Variants in PARP12 observed in about 807,000 individuals in gnomAD.
PARP12 encodes the protein poly(ADP-ribose) polymerase family member 12, also known as protein mono-ADP-ribosyltransferase PARP12.
Under a neutral mutation model 72.4 loss-of-function variants are expected in PARP12, and 59 were observed. The observed-to-expected ratio is 0.81, with a 90% CI of 0.66 to 1.01. PARP12 has a LOEUF of 1.01. Among genes scored for constraint, PARP12 ranks in the 50% least tolerant of loss-of-function variants. The pLI, the probability that PARP12 is intolerant of heterozygous loss-of-function variation, is 0.00. For missense variants in PARP12, 851 were observed against 914.0 expected (o/e 0.93, Z 0.89); for synonymous variants, 403 against 371.4 (o/e 1.09, Z -0.98).
chr7:140,046,878 T>G lies in PARP12; in HGVS notation c.986+6A>C. On this transcript the variant is annotated splice_donor_region_variant and intron_variant, in intron 5 of 11. Transcript: ENST00000263549. ...ACAAAGCAGAGACAAGGGACATATTTCCTACCTTTCTATTTTGGGATTGCA... is the reference window on the plus strand; with the variant it reads ...ACAAAGCAGAGACAAGGGACATATTGCCTACCTTTCTATTTTGGGATTGCA... The G allele has an allele frequency of 6.2e-7, 1 of 1,612,818 alleles. No homozygotes were observed. The highest frequency in any genetic ancestry group is 1.7e-5 in the Admixed American group (1 of 59,874).
At chr7:140,054,821 T>TA in intron 3 of PARP12, 58 bp from the exon 4 acceptor site, 3 of 1,403,394 alleles carry the variant, frequency 2.1e-6, no homozygotes, top group Non-Finnish European at 3.0e-6. Context: ...AAAAGAGAGT[T>TA]AAAGAGGATT....
chr7:140,028,344 C>T (rs1254935852), intron 9 of PARP12, among the ~76,000 whole-genome samples: 2 of 152,270 alleles, frequency 1.3e-5, no homozygotes, highest in South Asian at 2.1e-4. Flanking sequence ...CTCATTTCTG[C>T]CCTTTCTAGC....
intron 7 of PARP12, among the ~76,000 whole-genome samples, chr7:140,035,821 TG>T (rs1226939225): frequency 1.4e-4 from 13 of 94,398 alleles, no homozygotes; most frequent in African/African-American, 7.9e-4. Context: ...TTATGGATAC[TG>T]GTATCTACCA....
At chr7:140,035,149 G>A (rs1453943167) in intron 7 of PARP12, among the ~76,000 whole-genome samples, 1 of 152,158 alleles carries the variant, frequency 6.6e-6, no homozygotes, top group Non-Finnish European at 1.5e-5. Flanking sequence ...TTGCAGTTGA[G>A]CATAAACTGG....
intron 7 of PARP12, among the ~76,000 whole-genome samples, chr7:140,035,868 A>AGGAAGAGGAGGAGGAGGG (rs1181041119): frequency 5.3e-5 from 8 of 149,836 alleles, no homozygotes; most frequent in East Asian, 2.0e-4. Flanking sequence ...GAGGGGGAAG[A>AGGAAGAGGAGGAGGAGGG]GGAAGAGGAG....
chr7:140,054,505 C>T (rs745758145), intron 4 of PARP12, among the ~76,000 whole-genome samples, 157 bp downstream of exon 4: 3 of 152,220 alleles, frequency 2.0e-5, no homozygotes, highest in Non-Finnish European at 4.4e-5. Flanking sequence ...AACTCCCCAA[C>T]AAAATACCTT....
chr7:140,037,703 G>A lies in PARP12; in HGVS notation c.1324+12C>T. 11 of 1,613,546 alleles carry A rather than the reference G, an allele frequency of 6.8e-6. No homozygotes were observed. The highest frequency in any genetic ancestry group is 9.3e-6 in the Non-Finnish European group (11 of 1,179,520). On this transcript the variant is annotated intron_variant, in intron 7 of 11. Coordinates refer to ENST00000263549, the MANE Select transcript of PARP12 (RefSeq NM_022750.4). The stretch of plus-strand genomic sequence containing the variant: ...GGCAGGCTCTGCTGGGCGAGGGCAG[G>A]GCACAGGATACCTTTGAAATCTAAC...
At chr7:140,052,990 A>G (rs981485761) in intron 4 of PARP12, among the ~76,000 whole-genome samples, 1 of 152,196 alleles carries the variant, frequency 6.6e-6, no homozygotes, top group African/African-American at 2.4e-5. Flanking sequence ...AAACTCTCAC[A>G]CGTTGCTGGT....
At chr7:140,034,028 C>T (rs1054836875) in intron 8 of PARP12, 2 of 1,215,280 alleles carry the variant, frequency 1.6e-6, no homozygotes, top group Non-Finnish European at 2.1e-6. Flanking sequence ...AGGCAGCCTT[C>T]TAATTATGCA....
chr7:140,058,106 T>A (rs1454688824), intron 1 of PARP12, 72 bp from the exon 2 acceptor site: 1 of 1,520,074 alleles, frequency 6.6e-7, no homozygotes, highest in Non-Finnish European at 9.1e-7. Context: ...GAGTCCTAAC[T>A]CCCACGACCT....
intron 5 of PARP12, among the ~76,000 whole-genome samples, chr7:140,043,070 T>G (rs1458357778): frequency 6.6e-6 from 1 of 152,132 alleles, no homozygotes; most frequent in Non-Finnish European, 1.5e-5. Context: ...GGCGGGCACC[T>G]GTAGTCCCAG....
Position 140,028,619 on chromosome 7 carries a change from G to T in PARP12, c.1491C>A (p.Gly497=). 6.3e-7 allele frequency: 1 copy of T among 1,593,758 alleles called. No homozygotes were observed. The highest frequency in any genetic ancestry group is 8.6e-7 in the Non-Finnish European group (1 of 1,169,344). Residue 497 remains glycine, a synonymous_variant, in exon 9 of 12, where the codon GGC becomes GGA. Transcript: ENST00000263549. ...YWDSSALPDP[G]FQKITLSSSS... is the part of the protein sequence containing the mutation. ...AGGCGCATGCGTCCCCTACCTGAAA[G>T]CCTGGGTCTGGCAGGGCAGAGGAGT... is the stretch of plus-strand genomic sequence containing the variant.
chr7:140,059,967 A>C (rs952949524), intron 1 of PARP12, among the ~76,000 whole-genome samples: 1 of 152,234 alleles, frequency 6.6e-6, no homozygotes, highest in African/African-American at 2.4e-5. Flanking sequence ...ATTCCAGAAG[A>C]GGGGCAAATA....
intron 8 of PARP12, among the ~76,000 whole-genome samples, chr7:140,030,803 A>G (rs1815913055): frequency 6.6e-6 from 1 of 152,182 alleles, no homozygotes; most frequent in African/African-American, 2.4e-5. Flanking sequence ...TGTGGTTTTT[A>G]TTCTTTTAGT....
At chr7:140,047,070 G>T in intron 4 of PARP12, 63 bp from the exon 5 acceptor site, 1 of 1,527,522 alleles carries the variant, frequency 6.5e-7, no homozygotes, top group South Asian at 1.3e-5. Context: ...TAGCCTTGTG[G>T]TTGTCAACAG....
intron 6 of PARP12, chr7:140,038,318 G>A: frequency 1.0e-6 from 1 of 982,478 alleles, no homozygotes; most frequent in Non-Finnish European, 1.2e-6. Flanking sequence ...GTCCCTAGGA[G>A]CATTCATCTA....
In PARP12 at chr7:140,027,365, G is replaced by A. The variant is rs1815777915; in HGVS notation, c.1539C>T (p.Val513=). 1 of 1,614,102 alleles carries A rather than the reference G, an allele frequency of 6.2e-7. No individual in the cohort carries two copies. Among genetic ancestry groups the A allele is most frequent in the African/African-American group, 1.3e-5 (1 of 75,052 alleles). ...LSSSSEEYQK[V]WNLFNRTLPF... is the part of the protein sequence containing the mutation. Reference sequence around the variant, plus strand: ...GCAGCGTGCGGTTAAAGAGGTTCCAGACCTTCTGATACTCTTCCGAGGAAG... The same window carrying A: ...GCAGCGTGCGGTTAAAGAGGTTCCAAACCTTCTGATACTCTTCCGAGGAAG... The change falls in exon 10 of 12, where the codon GTC becomes GTT. Residue 513 remains valine, a synonymous_variant. Coordinates refer to ENST00000263549, the MANE Select transcript of PARP12 (RefSeq NM_022750.4).
intron 6 of PARP12, among the ~76,000 whole-genome samples, chr7:140,040,134 G>A (rs1431856182): frequency 3.9e-5 from 6 of 152,130 alleles, no homozygotes; most frequent in Non-Finnish European, 8.8e-5. Context: ...GGTCACATCT[G>A]CTAAGTGTGT....
At chr7:140,036,513 T>C (rs1460586312) in intron 7 of PARP12, among the ~76,000 whole-genome samples, 8 of 152,152 alleles carry the variant, frequency 5.3e-5, no homozygotes, top group Admixed American at 5.2e-4. Flanking sequence ...GGTAGTGATC[T>C]ACCCTAAGCA....
Sources: allele counts gnomAD v4.1 joint callset (sites outside exome capture counted in the v4.1 genomes callset), GRCh38; gene constraint gnomAD v4.1.1; transcripts MANE v1.5; gene names NCBI Gene and HGNC (gene_info 2026-07-23, HGNC 2026-07-21).